NRG3: variants seen among roughly 807,000 people sequenced by gnomAD.
NRG3 encodes pro-neuregulin-3, membrane-bound isoform.
Under a neutral mutation model 66.9 loss-of-function variants are expected in NRG3, and 31 were observed. The observed-to-expected ratio is 0.46, with a 90% CI of 0.35 to 0.63. The LOEUF (loss-of-function observed/expected upper bound fraction) is 0.63. NRG3 is among the 20% of genes least tolerant of loss of function. The pLI, the probability that NRG3 is intolerant of heterozygous loss-of-function variation, is 0.00. For synonymous variants in NRG3, 393 were observed against 359.4 expected, an observed-to-expected ratio of 1.09 and a Z score of -1.06; for missense variants, 910 against 878.9, an observed-to-expected ratio of 1.04 and a Z score of -0.45.
intron 1 of NRG3, among the ~76,000 whole-genome samples, chr10:81,950,914 C>A (rs763771610): frequency 2.0e-5 from 3 of 151,734 alleles, no homozygotes; most frequent in Non-Finnish European, 4.4e-5. Flanking sequence ...AACTGAAAAC[C>A]TTTGTGTTTG....
chr10:82,040,006 A>G (rs909014211), intron 1 of NRG3, among the ~76,000 whole-genome samples: 5 of 145,650 alleles, frequency 3.4e-5, no homozygotes, highest in African/African-American at 1.2e-4. Context: ...ATACTGCTCC[A>G]CAGCACAAAG....
chr10:82,978,277 T>TA lies in NRG3; in HGVS notation c.1413-672dup, dbSNP rs560131036. On this transcript the variant is annotated intron_variant, in intron 7 of 8. Coordinates refer to ENST00000372141, the MANE Select transcript of NRG3 (RefSeq NM_001010848.4). The stretch of plus-strand genomic sequence containing the variant: ...GTTAAGGCCTGTGGTATAACCCACT[T>TA]ACATGTTTTGCTCATTGATGGCATC... 3.4e-4 allele frequency among the ~76,000 whole-genome samples: 52 copies of TA among 152,354 alleles called. No homozygotes were observed. The South Asian group carries it at 0.01, about 30-fold the overall frequency.
In NRG3 at chr10:82,049,941, A is replaced by T. The variant is rs562920996; in HGVS notation, c.823+173778A>T. Among the ~76,000 whole-genome samples, 4 of 152,146 alleles carry T rather than the reference A, an allele frequency of 2.6e-5. No homozygotes were observed. The East Asian group carries it at 7.8e-4, about 30-fold the overall frequency. ...TTTCCTGTTGTGCCTATAGTGTTGAATTTGCAGGAATGACTTATTGTAGAA... is the reference window on the plus strand; with the variant it reads ...TTTCCTGTTGTGCCTATAGTGTTGATTTTGCAGGAATGACTTATTGTAGAA... On this transcript the variant is annotated intron_variant, in intron 1 of 8. Transcript: ENST00000372141.
At chr10:82,078,342 A>G (rs1590024862) in intron 1 of NRG3, among the ~76,000 whole-genome samples, 1 of 152,122 alleles carries the variant, frequency 6.6e-6, no homozygotes, top group South Asian at 2.1e-4. Context: ...AGTGCTCTAC[A>G]CATTATCATT....
At chr10:82,649,574 G>C (rs950535303) in intron 2 of NRG3, among the ~76,000 whole-genome samples, 1 of 143,880 alleles carries the variant, frequency 7.0e-6, no homozygotes, top group African/African-American at 2.6e-5. Context: ...AGGTTTAAGC[G>C]TCCCTAGTAA....
chr10:82,495,074 G>A (rs1843494738), intron 2 of NRG3, among the ~76,000 whole-genome samples: 1 of 151,868 alleles, frequency 6.6e-6, no homozygotes, highest in Admixed American at 6.6e-5. Flanking sequence ...CCGAGTAGCT[G>A]AGATTACAGG....
Position 82,089,149 on chromosome 10 carries a change from A to G in NRG3, c.823+212986A>G, listed in dbSNP as rs140015185. Among the ~76,000 whole-genome samples, 6 of 152,280 alleles carry G rather than the reference A, an allele frequency of 3.9e-5. No individual in the cohort carries two copies. The South Asian group carries it at 1.2e-3, about 32-fold the overall frequency. On this transcript the variant is annotated intron_variant, in intron 1 of 8. Coordinates refer to ENST00000372141, the MANE Select transcript of NRG3 (RefSeq NM_001010848.4). ...TTAGTTTTAGGAATTTTAGTGAGCAATGGGCAAATAAGTTAATGCTAGTAA... is the reference window on the plus strand; with the variant it reads ...TTAGTTTTAGGAATTTTAGTGAGCAGTGGGCAAATAAGTTAATGCTAGTAA...
chr10:82,322,264 A>G (rs2081617162), intron 1 of NRG3, among the ~76,000 whole-genome samples: 1 of 152,194 alleles, frequency 6.6e-6, no homozygotes, highest in Non-Finnish European at 1.5e-5. Flanking sequence ...AGAGTGGATA[A>G]AAATACTAGA....
intron 2 of NRG3, among the ~76,000 whole-genome samples, chr10:82,408,131 G>GAAAGAA (rs1023078296): frequency 0.011 from 1,424 of 129,668 alleles, 48 homozygotes; most frequent in East Asian, 0.044. Flanking sequence ...AAGAAAGAAA[G>GAAAGAA]AAAGAAAGAA....
chr10:82,849,738 T>C (rs1012256137), intron 3 of NRG3, among the ~76,000 whole-genome samples: 3 of 152,096 alleles, frequency 2.0e-5, no homozygotes, highest in African/African-American at 7.2e-5. Flanking sequence ...TTAGAAGAAC[T>C]GCTAAGAGGT....
At chr10:82,201,978 C>A (rs2074851159) in intron 1 of NRG3, among the ~76,000 whole-genome samples, 1 of 152,000 alleles carries the variant, frequency 6.6e-6, no homozygotes, top group African/African-American at 2.4e-5. Context: ...TGATATACAC[C>A]CATCAAAATA....
chr10:82,550,678 T>C (rs977884526), intron 2 of NRG3, among the ~76,000 whole-genome samples: 6 of 152,184 alleles, frequency 3.9e-5, no homozygotes, highest in African/African-American at 1.4e-4. Context: ...CATGGAATTG[T>C]GCAAGACCCC....
chr10:82,528,072 T>C (rs1846897816), intron 2 of NRG3, among the ~76,000 whole-genome samples: 1 of 152,156 alleles, frequency 6.6e-6, no homozygotes, highest in African/African-American at 2.4e-5. Context: ...GTGACAACAA[T>C]AATATCTCAA....
At chr10:82,132,453 A>ATATGAGATC (rs1216183423) in intron 1 of NRG3, among the ~76,000 whole-genome samples, 19 of 127,548 alleles carry the variant, frequency 1.5e-4, no homozygotes, top group East Asian at 2.6e-4. Flanking sequence ...TCTTTTATAT[A>ATATGAGATC]TATATGATAT....
chr10:82,751,541 A>G (rs1362282712), intron 3 of NRG3, among the ~76,000 whole-genome samples: 1 of 152,162 alleles, frequency 6.6e-6, no homozygotes, highest in Non-Finnish European at 1.5e-5. Context: ...ACACATCCCT[A>G]TAGTGTAAGC....
At chr10:82,343,442 T>G (rs1209447257) in intron 1 of NRG3, among the ~76,000 whole-genome samples, 1 of 152,074 alleles carries the variant, frequency 6.6e-6, no homozygotes, top group East Asian at 1.9e-4. Context: ...ATTTGAAGAA[T>G]CAATATCATT....
chr10:82,894,062 C>T (rs1005834573), intron 4 of NRG3, among the ~76,000 whole-genome samples: 2 of 152,218 alleles, frequency 1.3e-5, no homozygotes, highest in Non-Finnish European at 2.9e-5. Context: ...TCAAGTTATA[C>T]AATCTCTTTC....
intron 3 of NRG3, among the ~76,000 whole-genome samples, chr10:82,826,801 C>G (rs550241515): frequency 1.3e-5 from 2 of 151,934 alleles, no homozygotes; most frequent in African/African-American, 2.4e-5. Context: ...AACTACCTAT[C>G]GGGTATTATG....
intron 2 of NRG3, among the ~76,000 whole-genome samples, chr10:82,594,433 A>T (rs2047155538): frequency 6.6e-6 from 1 of 152,156 alleles, no homozygotes; most frequent in Non-Finnish European, 1.5e-5. Context: ...ATTGGAGAAA[A>T]GTACAAGGAT....
Sources: gnomAD v4.1 joint callset for allele counts (sites outside exome capture counted in the v4.1 genomes callset) on GRCh38, gnomAD v4.1.1 for gene constraint, MANE v1.5 for transcripts, NCBI Gene and HGNC (gene_info 2026-07-23, HGNC 2026-07-21) for gene names.